COL26A1: variants seen among roughly 807,000 people sequenced by gnomAD.
The protein encoded by COL26A1 is collagen alpha-1(XXVI) chain.
COL26A1 carries 41 observed loss-of-function variants against 59.3 expected under a neutral mutation model. The observed-to-expected ratio is 0.69, with a 90% CI of 0.54 to 0.90. The LOEUF (loss-of-function observed/expected upper bound fraction) is 0.90, where lower values mean the gene tolerates loss of function less well. Among genes scored for constraint, COL26A1 ranks in the 40% least tolerant of loss-of-function variants. The probability of loss-of-function intolerance (pLI) is 0.00; values close to 1 mark genes in which losing one functional copy is unlikely to be tolerated. For missense variants in COL26A1, 612 were observed against 602.3 expected (o/e 1.02, Z -0.17); for synonymous variants, 266 against 256.0 (o/e 1.04, Z -0.37).
intron 2 of COL26A1, among the ~76,000 whole-genome samples, chr7:101,438,674 CT>C (rs1333475354): frequency 6.6e-6 from 1 of 151,178 alleles, no homozygotes; most frequent in East Asian, 1.9e-4. Flanking sequence ...CCTTTCTTTT[CT>C]TTTTGTATTT....
intron 1 of COL26A1, among the ~76,000 whole-genome samples, chr7:101,413,620 C>A (rs1203913004): frequency 2.0e-5 from 3 of 152,068 alleles, no homozygotes; most frequent in African/African-American, 7.2e-5. Context: ...TCCTCAAGAC[C>A]TTTGCTAGGA....
chr7:101,416,343 G>C (rs1792370022), intron 1 of COL26A1, among the ~76,000 whole-genome samples: 1 of 143,266 alleles, frequency 7.0e-6, no homozygotes. Context: ...GGTGAGCCAT[G>C]ATCATGCCAC....
intron 3 of COL26A1, among the ~76,000 whole-genome samples, chr7:101,489,693 C>CTTTCTT (rs1554421172): frequency 0.13 from 1,480 of 11,796 alleles, 394 homozygotes; most frequent in African/African-American, 0.21. Context: ...TTCTTTCTTT[C>CTTTCTT]TTTCTGTCTT....
rs1394042060 is a variant in COL26A1 at position 101,489,685 on chromosome 7, C to CTT, written c.385+41900_385+41901dup. 1.6e-3 allele frequency among the ~76,000 whole-genome samples: 28 copies of CTT among 17,206 alleles called. 5 individuals carry two copies. The African/African-American group carries it at 0.018, about 11-fold the overall frequency. The allele number at this position is 17,206 out of a possible 152,430, so 11.3% of individuals were successfully genotyped here. ...TCTTCCTTCCTTCCTTCCTTCCTTT[C>CTT]TTTCTTTCTTTCTGTCTTTCTTTCT... On this transcript the variant is annotated intron_variant, in intron 3 of 12. Transcript: ENST00000313669.
At chr7:101,411,195 G>A (rs1366121557) in intron 1 of COL26A1, among the ~76,000 whole-genome samples, 1 of 152,162 alleles carries the variant, frequency 6.6e-6, no homozygotes, top group Non-Finnish European at 1.5e-5. Context: ...TGGGATGCAG[G>A]GGTTGGGGTC....
chr7:101,546,025 G>A (rs1795727368), intron 7 of COL26A1, among the ~76,000 whole-genome samples: 1 of 152,206 alleles, frequency 6.6e-6, no homozygotes, highest in Non-Finnish European at 1.5e-5. Context: ...ACAAACTCCG[G>A]CCCTCGGGGG....
intron 9 of COL26A1, 149 bp from the exon 10 acceptor site, chr7:101,550,959 C>A: frequency 1.2e-6 from 1 of 839,332 alleles, no homozygotes; most frequent in South Asian, 1.6e-5. Flanking sequence ...GCCTTTGAGT[C>A]TGCCCTTCCC....
chr7:101,551,237 G>GGGGCC, intron 10 of COL26A1, 94 bp downstream of exon 10: 9 of 386,340 alleles, frequency 2.3e-5, no homozygotes, highest in East Asian at 1.7e-4. Flanking sequence ...TGGTGGGGGG[G>GGGGCC]TTCAGCCCTG....
intron 1 of COL26A1, among the ~76,000 whole-genome samples, chr7:101,376,729 C>T (rs1791327574): frequency 6.6e-6 from 1 of 152,186 alleles, no homozygotes; most frequent in Admixed American, 6.5e-5. Flanking sequence ...CCAGCTGAAC[C>T]TCAGCCACTT....
chr7:101,424,969 C>T (rs777573095), intron 2 of COL26A1, among the ~76,000 whole-genome samples: 3 of 152,092 alleles, frequency 2.0e-5, no homozygotes, highest in Admixed American at 6.6e-5. Flanking sequence ...GTCCCCCAGG[C>T]TGGAGTGTAG....
At position 101,416,160 on chromosome 7, in the gene COL26A1, G is replaced by A. The variant is rs1260097952; in HGVS notation, c.159-3817G>A. Among the ~76,000 whole-genome samples, 3 of 142,942 alleles carry A rather than the reference G, an allele frequency of 2.1e-5. 1 individual carries two copies. Among genetic ancestry groups the A allele is most frequent in the Non-Finnish European group, 3.2e-5 (2 of 63,056 alleles). The allele number at this position is 142,942 out of a possible 152,430, so 93.8% of individuals were successfully genotyped here. A position where few individuals can be genotyped will look rare whatever the true frequency, so the allele number is the denominator to read the frequency against. ...TGGAATCCCAGCCCTTTGGGAAGCC[G>A]AGGTGGGACGATCACCTGAGCCCAG... On this transcript the variant is annotated intron_variant, in intron 1 of 12. Transcript: ENST00000313669.
intron 1 of COL26A1, among the ~76,000 whole-genome samples, chr7:101,386,717 A>G (rs1791585613): frequency 6.6e-6 from 1 of 152,208 alleles, no homozygotes; most frequent in Non-Finnish European, 1.5e-5. Flanking sequence ...CAACTCACGC[A>G]GGAGCTCACA....
At chr7:101,516,813 G>C (rs950875503) in intron 3 of COL26A1, among the ~76,000 whole-genome samples, 2 of 152,154 alleles carry the variant, frequency 1.3e-5, no homozygotes. Flanking sequence ...GTAAAATCCT[G>C]CACAGAGGCC....
chr7:101,452,716 A>G (rs767260272), intron 3 of COL26A1, among the ~76,000 whole-genome samples: 3 of 151,860 alleles, frequency 2.0e-5, no homozygotes, highest in Non-Finnish European at 4.4e-5. Context: ...TGTGTATATC[A>G]ACATATCTAC....
intron 3 of COL26A1, among the ~76,000 whole-genome samples, chr7:101,471,448 C>A (rs545729699): frequency 6.6e-6 from 1 of 152,050 alleles, no homozygotes; most frequent in Non-Finnish European, 1.5e-5. Context: ...GTATTAGAGA[C>A]TACTCAATTA....
intron 3 of COL26A1, among the ~76,000 whole-genome samples, chr7:101,527,864 C>T (rs995510822): frequency 1.6e-4 from 24 of 152,074 alleles, no homozygotes; most frequent in Non-Finnish European, 7.4e-5. Context: ...GCGACCACAT[C>T]GTAGAGTAGT....
chr7:101,472,891 G>A (rs929480335), intron 3 of COL26A1, among the ~76,000 whole-genome samples: 7 of 151,622 alleles, frequency 4.6e-5, no homozygotes, highest in African/African-American at 7.3e-5. Flanking sequence ...AGCATTGCCT[G>A]CGTTTCCCCG....
intron 1 of COL26A1, among the ~76,000 whole-genome samples, chr7:101,379,995 C>T (rs1257901862): frequency 6.6e-6 from 1 of 152,008 alleles, no homozygotes; most frequent in Non-Finnish European, 1.5e-5. Flanking sequence ...TACTTACTTT[C>T]TTTTTTTTCT....
intron 3 of COL26A1, among the ~76,000 whole-genome samples, chr7:101,462,720 C>T (rs1793645464): frequency 6.6e-6 from 1 of 152,052 alleles, no homozygotes; most frequent in African/African-American, 2.4e-5. Context: ...TGCTTCCGGC[C>T]CCCGGTGACA....
Sources: gnomAD v4.1 joint callset for allele counts (sites outside exome capture counted in the v4.1 genomes callset) on GRCh38, gnomAD v4.1.1 for gene constraint, MANE v1.5 for transcripts, NCBI Gene and HGNC (gene_info 2026-07-23, HGNC 2026-07-21) for gene names.